Variants in TMEM108 observed in about 807,000 individuals in gnomAD.
TMEM108 encodes transmembrane protein 108.
Under a neutral mutation model 35.1 loss-of-function variants are expected in TMEM108, and 12 were observed. That is an observed-to-expected ratio of 0.34 (90% CI 0.22 to 0.55). The LOEUF is 0.55. TMEM108 is among the 20% of genes least tolerant of loss of function. The pLI is 0.89. For synonymous variants in TMEM108, 287 were observed against 308.6 expected (o/e 0.93, Z 0.73); for missense variants, 680 against 753.3 (o/e 0.90, Z 1.14).
intron 2 of TMEM108, among the ~76,000 whole-genome samples, chr3:133,193,791 T>C (rs549579468): frequency 2.0e-5 from 3 of 152,338 alleles, no homozygotes; most frequent in Admixed American, 1.3e-4. Flanking sequence ...ATTTTTCTTT[T>C]ACATAATTAG....
intron 3 of TMEM108, among the ~76,000 whole-genome samples, chr3:133,340,931 A>G (rs2071642973): frequency 1.3e-5 from 2 of 151,814 alleles, no homozygotes; most frequent in East Asian, 1.9e-4. Flanking sequence ...TAAAAGCCAT[A>G]TACTACAGAC....
In TMEM108 at chr3:133,197,019, C is replaced by T. The variant is rs148681363; in HGVS notation, c.-46-32247C>T. ...ATTGAGAGAATGACTATTAGTAAAA[C>T]GATGTATTAGTAATGTCTTCTATGG... is the stretch of plus-strand genomic sequence containing the variant. On this transcript the variant is annotated intron_variant, in intron 2 of 5. Coordinates refer to ENST00000321871, the MANE Select transcript of TMEM108 (RefSeq NM_023943.4). Among the ~76,000 whole-genome samples, 99 of 152,170 alleles carry T rather than the reference C, an allele frequency of 6.5e-4. 1 individual carries two copies. The East Asian group carries it at 0.018, about 27-fold the overall frequency.
intron 2 of TMEM108, among the ~76,000 whole-genome samples, chr3:133,221,660 C>CTTTTTTTTTTTTTTTTTTTTTTTTTTTTT (rs3078806): frequency 1.7e-5 from 1 of 60,356 alleles, no homozygotes; most frequent in Non-Finnish European, 3.0e-5. Context: ...ACATTGATTC[C>CTTTTTTTTTTTTTTTTTTTTTTTTTTTTT]TTTTTTTTTT....
At chr3:133,372,625 C>A (rs1471279052) in intron 3 of TMEM108, among the ~76,000 whole-genome samples, 1 of 152,204 alleles carries the variant, frequency 6.6e-6, no homozygotes, top group Non-Finnish European at 1.5e-5. Context: ...AGAGATTGTA[C>A]TCTGGGAAGC....
intron 2 of TMEM108, among the ~76,000 whole-genome samples, chr3:133,175,326 T>C (rs1945201492): frequency 1.3e-5 from 2 of 152,078 alleles, no homozygotes; most frequent in South Asian, 2.1e-4. Flanking sequence ...ATACAGAGAA[T>C]ACCACAAAGA....
intron 2 of TMEM108, among the ~76,000 whole-genome samples, chr3:133,115,478 G>C (rs1326517108): frequency 6.6e-6 from 1 of 152,198 alleles, no homozygotes; most frequent in Non-Finnish European, 1.5e-5. Flanking sequence ...GAGGTTCAAA[G>C]AGGTGACTCC....
chr3:133,350,673 AC>A (rs2071966992), intron 3 of TMEM108, among the ~76,000 whole-genome samples: 1 of 152,130 alleles, frequency 6.6e-6, no homozygotes, highest in Non-Finnish European at 1.5e-5. Flanking sequence ...AGTCAGGAAG[AC>A]CTAGAACCAA....
intron 2 of TMEM108, among the ~76,000 whole-genome samples, chr3:133,102,149 C>T (rs553963253): frequency 6.6e-6 from 1 of 152,212 alleles, no homozygotes; most frequent in African/African-American, 2.4e-5. Flanking sequence ...GGCACACATG[C>T]CCCTCAACTG....
chr3:133,380,781 C>T lies in TMEM108; in HGVS notation c.1070C>T (p.Thr357Met), dbSNP rs142357943. ...STSSGVFTAA[T>M]GPTPAAFDTS... ...AGCTCTGGGGTCTTCACGGCTGCCA[C>T]GGGGCCCACCCCAGCTGCCTTCGAT... Residue 357 changes from threonine (T) to methionine (M), a missense_variant, in exon 4 of 6, where the codon ACG becomes ATG. Around this residue, in one of 3 missense-constraint regions of TMEM108, gnomAD observed 526 missense variants for 532.1 expected, o/e 0.99. Transcript: ENST00000321871. This position sits in a 1 kb window ranked among gnomAD's most constrained non-coding sequence, Gnocchi z 5.3. 9.7e-5 allele frequency: 156 copies of T among 1,614,124 alleles called. 1 individual carries two copies. In the African/African-American group the frequency reaches 1.3e-3, roughly 14 times the overall value.
At chr3:133,155,612 T>C (rs1944869246) in intron 2 of TMEM108, among the ~76,000 whole-genome samples, 1 of 152,180 alleles carries the variant, frequency 6.6e-6, no homozygotes, top group African/African-American at 2.4e-5. Context: ...ATCAGTGATA[T>C]TGAGCATTTC....
At chr3:133,171,383 A>G (rs1375963973) in intron 2 of TMEM108, among the ~76,000 whole-genome samples, 2 of 152,164 alleles carry the variant, frequency 1.3e-5, no homozygotes. Flanking sequence ...CAAAATATGC[A>G]TGTGTCTTTA....
intron 2 of TMEM108, among the ~76,000 whole-genome samples, chr3:133,205,502 G>A (rs1945739813): frequency 1.3e-5 from 2 of 152,110 alleles, no homozygotes; most frequent in South Asian, 4.2e-4. Context: ...AGGCCTGGTG[G>A]TGACAAAATC....
chr3:133,395,629 T>C (rs2073294149), intron 5 of TMEM108, among the ~76,000 whole-genome samples: 1 of 151,950 alleles, frequency 6.6e-6, no homozygotes, highest in Non-Finnish European at 1.5e-5. Flanking sequence ...AAAGCTGCTA[T>C]AAAAATATGA....
intron 4 of TMEM108, chr3:133,387,385 G>A: frequency 9.1e-6 from 9 of 985,438 alleles, no homozygotes; most frequent in Non-Finnish European, 1.1e-5. Context: ...GAGAAGCACT[G>A]GAAACTCCCT....
chr3:133,313,408 A>G (rs1319317863), intron 3 of TMEM108, among the ~76,000 whole-genome samples: 2 of 152,096 alleles, frequency 1.3e-5, no homozygotes, highest in Admixed American at 6.5e-5. Flanking sequence ...CGTGGTCCCA[A>G]TCTCCTGACC....
intron 3 of TMEM108, among the ~76,000 whole-genome samples, chr3:133,255,479 A>C (rs572138455): frequency 6.6e-6 from 1 of 152,364 alleles, no homozygotes; most frequent in Non-Finnish European, 1.5e-5. Flanking sequence ...ATTACTTGGA[A>C]TATACTATGG....
intron 3 of TMEM108, among the ~76,000 whole-genome samples, chr3:133,374,930 C>A (rs977966019): frequency 1.3e-5 from 2 of 152,088 alleles, no homozygotes; most frequent in African/African-American, 4.8e-5. Context: ...TGAAAGTAGT[C>A]GAGAGCATAG....
intron 2 of TMEM108, among the ~76,000 whole-genome samples, chr3:133,095,083 A>G (rs1330684483): frequency 6.6e-6 from 1 of 152,232 alleles, no homozygotes; most frequent in African/African-American, 2.4e-5. Flanking sequence ...TCTTTAGATA[A>G]CTAGCTTCTT....
chr3:133,394,085 G>A (rs960213363), intron 5 of TMEM108, among the ~76,000 whole-genome samples: 9 of 152,164 alleles, frequency 5.9e-5, no homozygotes, highest in African/African-American at 1.7e-4. Context: ...AATTCTCTGG[G>A]CTCACACTAT....
Sources: allele counts gnomAD v4.1 joint callset (sites outside exome capture counted in the v4.1 genomes callset), GRCh38; gene constraint gnomAD v4.1.1; regional missense constraint gnomAD v4.1.1; non-coding constraint Gnocchi (gnomAD v3.1); transcripts MANE v1.5; gene names NCBI Gene and HGNC (gene_info 2026-07-23, HGNC 2026-07-21).